The following SKAP1 variants were observed in gnomAD, a reference collection of about 807,000 sequenced individuals.
SKAP1 encodes src kinase-associated phosphoprotein 1.
In SKAP1, 44 loss-of-function variants were observed where a neutral mutation model predicts 58.5. The ratio of observed to expected loss-of-function variants is 0.75; its 90% CI spans 0.59 to 0.97. The LOEUF (loss-of-function observed/expected upper bound fraction) is 0.97. Ranked by LOEUF, SKAP1 falls within the 50% of genes least tolerant of loss-of-function variation. The probability of loss-of-function intolerance (pLI) is 0.00; values close to 1 mark genes in which losing one functional copy is unlikely to be tolerated. For synonymous variants in SKAP1, 127 were observed against 149.7 expected (o/e 0.85, Z 1.11); for missense variants, 390 against 435.2 (o/e 0.90, Z 0.92).
chr17:48,176,711 A>C (rs2064295893), intron 9 of SKAP1, among the ~76,000 whole-genome samples: 1 of 152,212 alleles, frequency 6.6e-6, no homozygotes, highest in South Asian at 2.1e-4. Flanking sequence ...AGGGGAGAAG[A>C]GTGCTAGCCA....
intron 1 of SKAP1, among the ~76,000 whole-genome samples, chr17:48,406,037 C>A (rs1451243692): frequency 6.6e-6 from 1 of 151,956 alleles, no homozygotes; most frequent in Non-Finnish European, 1.5e-5. Context: ...GAGGCCAAGG[C>A]GGGTAGATCA....
chr17:48,148,070 T>C (rs2063854027), intron 11 of SKAP1, among the ~76,000 whole-genome samples: 1 of 152,080 alleles, frequency 6.6e-6, no homozygotes, highest in African/African-American at 2.4e-5. Flanking sequence ...CTCAGAGCAC[T>C]TGAGTGCGAG....
At chr17:48,381,810 G>A (rs2067217645) in intron 2 of SKAP1, among the ~76,000 whole-genome samples, 1 of 152,166 alleles carries the variant, frequency 6.6e-6, no homozygotes, top group African/African-American at 2.4e-5. Flanking sequence ...TCAAAAATAA[G>A]TTACAGAAGG....
intron 1 of SKAP1, among the ~76,000 whole-genome samples, chr17:48,414,548 A>G (rs1359200749): frequency 3.3e-5 from 5 of 152,222 alleles, no homozygotes; most frequent in African/African-American, 1.2e-4. Flanking sequence ...GAAGTCGCAT[A>G]TTTAAAACTT....
chr17:48,370,870 A>G (rs1183690293), intron 2 of SKAP1, among the ~76,000 whole-genome samples: 1 of 152,232 alleles, frequency 6.6e-6, no homozygotes, highest in Non-Finnish European at 1.5e-5. Context: ...AAGACATGGA[A>G]TCAACCTAGG....
chr17:48,389,881 C>T (rs996186915), intron 2 of SKAP1, among the ~76,000 whole-genome samples: 1 of 152,114 alleles, frequency 6.6e-6, no homozygotes, highest in Non-Finnish European at 1.5e-5. Context: ...TTTAAAAAGT[C>T]ATGGGGGTAC....
chr17:48,271,588 C>T (rs1297909289), intron 4 of SKAP1, among the ~76,000 whole-genome samples: 1 of 152,042 alleles, frequency 6.6e-6, no homozygotes, highest in Admixed American at 6.5e-5. Flanking sequence ...TCCTGAACTA[C>T]TGGCCTCAAG....
chr17:48,399,087 C>T (rs9915285), intron 1 of SKAP1, among the ~76,000 whole-genome samples: 14,084 of 151,902 alleles, frequency 0.093, 1,000 homozygotes, highest in African/African-American at 0.17. Context: ...ATCGCTAGGA[C>T]TTTTGATGAG....
chr17:48,277,397 T>C (rs2065714312), intron 4 of SKAP1, among the ~76,000 whole-genome samples: 2 of 152,236 alleles, frequency 1.3e-5, no homozygotes, highest in Non-Finnish European at 2.9e-5. Flanking sequence ...AATTTATCTA[T>C]ACTGAAATTA....
chr17:48,275,417 C>T (rs759173774), intron 4 of SKAP1, among the ~76,000 whole-genome samples: 1 of 152,196 alleles, frequency 6.6e-6, no homozygotes, highest in Non-Finnish European at 1.5e-5. Flanking sequence ...CGTATGTTGA[C>T]ATCTCTCAGG....
intron 1 of SKAP1, among the ~76,000 whole-genome samples, chr17:48,417,900 T>C (rs1029841183): frequency 2.6e-5 from 4 of 152,220 alleles, no homozygotes; most frequent in South Asian, 4.1e-4. Context: ...TTAAATACTA[T>C]GTAGCAGTTT....
At chr17:48,306,067 T>C (rs1213027791) in intron 4 of SKAP1, among the ~76,000 whole-genome samples, 1 of 152,200 alleles carries the variant, frequency 6.6e-6, no homozygotes, top group African/African-American at 2.4e-5. Context: ...TAAAATTTTC[T>C]TTATTCTTTC....
At chr17:48,224,487 G>T (rs373871514) in intron 4 of SKAP1, among the ~76,000 whole-genome samples, 5 of 152,156 alleles carry the variant, frequency 3.3e-5, no homozygotes, top group Non-Finnish European at 1.5e-5. Flanking sequence ...TTCTAGTGAT[G>T]AAGATGATTT....
At chr17:48,144,270 G>A (rs561988017) in intron 11 of SKAP1, among the ~76,000 whole-genome samples, 1 of 152,232 alleles carries the variant, frequency 6.6e-6, no homozygotes, top group East Asian at 1.9e-4. Context: ...AAGGGCTGCA[G>A]GGCTGAGATG....
rs553491326 is a variant in SKAP1 at position 48,373,349 on chromosome 17, A to G, written c.153-9535T>C. ...AGCAAGGGGCAAATCTGCTCCCACG[A>G]TCTAATCACCTCCCACCAGGTCCCT... On this transcript the variant is annotated intron_variant, in intron 2 of 12. Coordinates refer to ENST00000336915, the MANE Select transcript of SKAP1 (RefSeq NM_003726.4). 2.0e-5 allele frequency among the ~76,000 whole-genome samples: 3 copies of G among 152,242 alleles called. No individual in the cohort carries two copies. The South Asian group carries it at 6.2e-4, about 32-fold the overall frequency.
At chr17:48,175,548 T>C (rs2064277900) in intron 9 of SKAP1, among the ~76,000 whole-genome samples, 1 of 152,240 alleles carries the variant, frequency 6.6e-6, no homozygotes, top group Non-Finnish European at 1.5e-5. Flanking sequence ...AATATTCGCA[T>C]CCTATTTCAG....
intron 2 of SKAP1, among the ~76,000 whole-genome samples, chr17:48,383,682 A>G (rs1326738491): frequency 6.7e-6 from 1 of 150,156 alleles, no homozygotes; most frequent in African/African-American, 2.5e-5. Context: ...CCACCTGGAA[A>G]CTGAATATCC....
intron 3 of SKAP1, among the ~76,000 whole-genome samples, chr17:48,357,668 C>T (rs985056681): frequency 6.6e-6 from 1 of 152,040 alleles, no homozygotes; most frequent in African/African-American, 2.4e-5. Flanking sequence ...ATAGTCATTG[C>T]AAAACAATTG....
chr17:48,245,517 C>T (rs1413030904), intron 4 of SKAP1, among the ~76,000 whole-genome samples: 1 of 152,126 alleles, frequency 6.6e-6, no homozygotes, highest in Non-Finnish European at 1.5e-5. Flanking sequence ...TTCTAGATAA[C>T]ATGTGACTTT....
Sources: allele counts gnomAD v4.1 joint callset (sites outside exome capture counted in the v4.1 genomes callset), GRCh38; gene constraint gnomAD v4.1.1; transcripts MANE v1.5; gene names NCBI Gene and HGNC (gene_info 2026-07-23, HGNC 2026-07-21).